Variants in TANGO6 observed in about 807,000 individuals in gnomAD.
TANGO6 encodes the protein transport and golgi organization 6 homolog.
In TANGO6, 90 loss-of-function variants were observed where a neutral mutation model predicts 114.2. The observed-to-expected ratio is 0.79, with a 90% confidence interval of 0.66 to 0.94. The LOEUF (loss-of-function observed/expected upper bound fraction) is 0.94, where lower values mean the gene tolerates loss of function less well. TANGO6 is among the 40% of genes least tolerant of loss of function. The pLI, the probability that TANGO6 is intolerant of heterozygous loss-of-function variation, is 0.00. For missense variants in TANGO6, 1,274 were observed against 1,315.3 expected (o/e 0.97, Z 0.49); for synonymous variants, 477 against 509.8 (o/e 0.94, Z 0.87).
chr16:68,866,608 C>T (rs548132314), intron 3 of TANGO6, among the ~76,000 whole-genome samples: 4 of 135,940 alleles, frequency 2.9e-5, no homozygotes, highest in Admixed American at 8.1e-5. Context: ...CCGGCCTGGG[C>T]GACAGAGCAA....
Position 68,860,230 on chromosome 16 carries a change from C to T in TANGO6, c.441C>T (p.Phe147=), listed in dbSNP as rs374959238. The change falls in exon 2 of 18, where the codon TTC becomes TTT. Residue 147 remains phenylalanine (F), a synonymous_variant. Transcript: ENST00000261778. ...LSISQQKTVQ[F]VLQFVVTLGI... ...TCTCACAACAGAAGACTGTCCAGTT[C>T]GTTTTGCAGTTTGTAGTTACCTTGG... 1.6e-5 allele frequency: 26 copies of T among 1,613,894 alleles called. No homozygotes were observed. The highest frequency in any genetic ancestry group is 3.3e-4 in the Middle Eastern group (2 of 6,084).
At chr16:68,923,470 C>T (rs1302013697) in intron 12 of TANGO6, among the ~76,000 whole-genome samples, 1 of 152,156 alleles carries the variant, frequency 6.6e-6, no homozygotes, top group Non-Finnish European at 1.5e-5. Flanking sequence ...AAATCTGTTG[C>T]ATGCTGGTGA....
At chr16:68,972,034 G>T (rs965440050) in intron 14 of TANGO6, among the ~76,000 whole-genome samples, 6 of 152,036 alleles carry the variant, frequency 3.9e-5, no homozygotes, top group African/African-American at 1.2e-4. Flanking sequence ...TACAACTACA[G>T]TGTCACATTT....
intron 15 of TANGO6, among the ~76,000 whole-genome samples, chr16:69,010,930 T>C (rs1470631846): frequency 2.6e-5 from 4 of 152,228 alleles, no homozygotes; most frequent in African/African-American, 9.6e-5. Context: ...ATGTTTAAAA[T>C]ATTGTGTTTT....
At position 68,860,450 on chromosome 16, in the gene TANGO6, G is replaced by C; in HGVS notation, c.661G>C (p.Gly221Arg). The C allele has an allele frequency of 6.2e-7, 1 of 1,613,994 alleles. No individual in the cohort carries two copies. The highest frequency in any genetic ancestry group is 1.1e-5 in the South Asian group (1 of 91,084). ...GAGCTTGATCTTCTGCCACCACTTT[G>C]GGGATATCGCAGCAGGTCTGTGCCA... ...LGSLIFCHHF[G>R]DIAAGLCQLG... Residue 221 changes from glycine (G) to arginine (R), a missense_variant, in exon 2 of 18, where the codon GGG becomes CGG. Coordinates refer to ENST00000261778, the MANE Select transcript of TANGO6 (RefSeq NM_024562.2).
In TANGO6 at chr16:69,056,997, C is replaced by CTTTTTT. The variant is rs71148961; in HGVS notation, c.3108+16600_3108+16605dup. Among the ~76,000 whole-genome samples, 313 of 59,886 alleles carry CTTTTTT rather than the reference C, an allele frequency of 5.2e-3. 7 individuals carry two copies. The highest frequency in any genetic ancestry group is 6.1e-3 in the Non-Finnish European group (198 of 32,440). The allele number at this position is 59,886 out of a possible 152,430, so 39.3% of individuals were successfully genotyped here. A position where few individuals can be genotyped will look rare whatever the true frequency, so the allele number is the denominator to read the frequency against. ...GCCCAGCCTTGAATGGCCTGATTTT[C>CTTTTTT]TTTTTTTTTTTTTTTTTTTTTTTTT... On this transcript the variant is annotated intron_variant, in intron 17 of 17. Transcript: ENST00000261778.
rs537442947 is a variant in TANGO6, at chr16:68,962,963, G to A, written c.2702-11065G>A. Among the ~76,000 whole-genome samples the A allele has an allele frequency of 9.3e-5, 14 of 150,910 alleles. No homozygotes were observed. The South Asian group carries it at 1.5e-3, about 16-fold the overall frequency. ...AAAAAAATTAGCCTGGCATGGTGGC[G>A]GGCGCCCGTAGTCCCAGTCACTCGG... On this transcript the variant is annotated intron_variant, in intron 14 of 17. Coordinates refer to ENST00000261778, the MANE Select transcript of TANGO6 (RefSeq NM_024562.2).
At chr16:68,941,379 A>T (rs1963350847) in intron 14 of TANGO6, among the ~76,000 whole-genome samples, 1 of 152,146 alleles carries the variant, frequency 6.6e-6, no homozygotes, top group Non-Finnish European at 1.5e-5. Flanking sequence ...GATCTCTATT[A>T]GTAGTTTTAT....
intron 15 of TANGO6, among the ~76,000 whole-genome samples, chr16:68,986,958 T>C (rs962981070): frequency 6.6e-6 from 1 of 152,140 alleles, no homozygotes; most frequent in African/African-American, 2.4e-5. Context: ...AGATACCTTC[T>C]TCCAGCCAGT....
intron 17 of TANGO6, among the ~76,000 whole-genome samples, chr16:69,040,736 C>G (rs1383188384): frequency 6.6e-6 from 1 of 152,194 alleles, no homozygotes; most frequent in Non-Finnish European, 1.5e-5. Flanking sequence ...CACCCTGCCT[C>G]TGCACCCTGA....
intron 15 of TANGO6, among the ~76,000 whole-genome samples, chr16:69,018,871 CT>C (rs1959353637): frequency 6.6e-6 from 1 of 152,078 alleles, no homozygotes; most frequent in Non-Finnish European, 1.5e-5. Context: ...GATCACGCCA[CT>C]GCACTCCAGC....
At chr16:68,877,103 A>G (rs1962374847) in intron 5 of TANGO6, among the ~76,000 whole-genome samples, 1 of 152,172 alleles carries the variant, frequency 6.6e-6, no homozygotes. Flanking sequence ...GATATGCTTT[A>G]TGTACCTATT....
chr16:68,970,167 A>G (rs1327167307), intron 14 of TANGO6, among the ~76,000 whole-genome samples: 2 of 152,124 alleles, frequency 1.3e-5, no homozygotes. Flanking sequence ...AGCCCACTCA[A>G]ACCACACAGA....
intron 3 of TANGO6, among the ~76,000 whole-genome samples, chr16:68,866,837 T>C (rs1962185365): frequency 1.3e-5 from 2 of 152,040 alleles, no homozygotes; most frequent in African/African-American, 4.8e-5. Flanking sequence ...CTCAGGAGGC[T>C]GAAGCAGGAG....
chr16:68,845,105 T>C (rs1447513382), intron 1 of TANGO6, among the ~76,000 whole-genome samples: 1 of 151,922 alleles, frequency 6.6e-6, no homozygotes, highest in Non-Finnish European at 1.5e-5. Flanking sequence ...GTAGCTGGGA[T>C]TACAGGTGCA....
chr16:68,986,001 G>GGA (rs1325395559), intron 15 of TANGO6, among the ~76,000 whole-genome samples: 1 of 152,182 alleles, frequency 6.6e-6, no homozygotes, highest in Non-Finnish European at 1.5e-5. Context: ...GTGGAAGAGG[G>GGA]GAGAGAGGGA....
chr16:68,916,433 T>C (rs1963006271), intron 11 of TANGO6, among the ~76,000 whole-genome samples: 3 of 152,122 alleles, frequency 2.0e-5, no homozygotes, highest in South Asian at 4.2e-4. Flanking sequence ...AGTTTCATCC[T>C]GAAACCATTC....
At chr16:69,015,131 C>A (rs1959271314) in intron 15 of TANGO6, among the ~76,000 whole-genome samples, 1 of 151,936 alleles carries the variant, frequency 6.6e-6, no homozygotes, top group African/African-American at 2.4e-5. Flanking sequence ...GTAGCAGAGC[C>A]CCAAGAAATG....
intron 15 of TANGO6, among the ~76,000 whole-genome samples, chr16:69,004,764 G>A (rs148180518): frequency 2.6e-4 from 40 of 152,262 alleles, no homozygotes; most frequent in African/African-American, 9.6e-4. Flanking sequence ...AGTCCTTCAG[G>A]ACTATTGTCC....
Sources: allele counts gnomAD v4.1 joint callset (sites outside exome capture counted in the v4.1 genomes callset), GRCh38; gene constraint gnomAD v4.1.1; transcripts MANE v1.5; gene names NCBI Gene and HGNC (gene_info 2026-07-23, HGNC 2026-07-21).